Variants in SRPRA observed in about 807,000 individuals in gnomAD.
SRPRA encodes the protein signal recognition particle receptor subunit alpha.
In SRPRA, 30 loss-of-function variants were observed where a neutral mutation model predicts 61.1. The observed-to-expected ratio is 0.49, with a 90% CI of 0.37 to 0.67. The LOEUF (loss-of-function observed/expected upper bound fraction) is 0.67. Among genes scored for constraint, SRPRA ranks in the 30% least tolerant of loss-of-function variants. The pLI is 0.00. For missense variants in SRPRA, 759 were observed against 828.4 expected, an observed-to-expected ratio of 0.92 and a Z score of 1.03; for synonymous variants, 324 against 299.7, an observed-to-expected ratio of 1.08 and a Z score of -0.84.
rs1202881410 is a variant in SRPRA, at chr11:126,265,704, C to G, written c.1138+33G>C. ...CTGAGGTCTATGCACTTAACCTACA[C>G]ATAAGCACTTTCTCACTTAGGTAAG... On this transcript the variant is annotated intron_variant, in intron 9 of 13. Transcript: ENST00000332118. The surrounding 1 kb of genome is among the most constrained non-coding windows in gnomAD (Gnocchi z 6.3). The G allele has an allele frequency of 1.2e-6, 2 of 1,609,408 alleles. No individual in the cohort carries two copies. The highest frequency in any genetic ancestry group is 1.3e-5 in the African/African-American group (1 of 74,872).
rs1950757606 is a variant in SRPRA at position 126,264,128 on chromosome 11, T to G, written c.1788+63A>C. The G allele has an allele frequency of 6.2e-7, 1 of 1,612,140 alleles. No individual in the cohort carries two copies. On this transcript the variant is annotated intron_variant, in intron 13 of 13. Coordinates refer to ENST00000332118, the MANE Select transcript of SRPRA (RefSeq NM_003139.4). The surrounding 1 kb of genome is among the most constrained non-coding windows in gnomAD (Gnocchi z 5.0). ...GGAACAGGAAGCGCTGGAGCCAAGA[T>G]TTCCTTGCAGCCTCAGCTCCTTTGT...
chr11:126,246,564 TTAA>T, the SRPRA span, among the ~76,000 whole-genome samples: 6 of 152,164 alleles, frequency 3.9e-5, no homozygotes, highest in African/African-American at 7.2e-5. Flanking sequence ...ACTAGAAATG[TTAA>T]TAACCCTGGG....
At chr11:126,237,935 A>G in the SRPRA span, among the ~76,000 whole-genome samples, 11 of 150,714 alleles carry the variant, frequency 7.3e-5, no homozygotes, top group Non-Finnish European at 1.5e-4. Flanking sequence ...TCTCCTTCCC[A>G]TACTATCTCT....
downstream of SRPRA, chr11:126,262,129 CAT>C: frequency 6.2e-7 from 1 of 1,614,076 alleles, no homozygotes; most frequent in African/African-American, 1.3e-5. Flanking sequence ...GGCTGTAGTA[CAT>C]GAGCGAGCTA....
At chr11:126,247,857 C>CAA in the SRPRA span, among the ~76,000 whole-genome samples, 19 of 125,018 alleles carry the variant, frequency 1.5e-4, no homozygotes, top group East Asian at 1.1e-3. Flanking sequence ...GACTCCATCT[C>CAA]AAAAAAAAAA....
Position 126,262,989 on chromosome 11 carries a change from A to C in SRPRA, c.*927T>G, listed in dbSNP as rs912895667. The C allele has an allele frequency of 2.0e-5, 3 of 152,680 alleles. No individual in the cohort carries two copies. The highest frequency in any genetic ancestry group is 2.9e-5 in the Non-Finnish European group (2 of 68,044). 9.5% of individuals were successfully genotyped at this position (152,680 alleles called of 1,614,324 possible). ...ATAAATTACTTATTTCTCTGGGCAG[A>C]CAGCCTTCACCTTATTGCACTAATA... On this transcript the variant is annotated 3_prime_UTR_variant, in exon 14 of 14. Coordinates refer to ENST00000332118, the MANE Select transcript of SRPRA (RefSeq NM_003139.4).
chr11:126,265,660 G>A lies in SRPRA; in HGVS notation c.1138+77C>T, dbSNP rs1323579415. ...TTAGAGGTTAAGGAATTTGCCGAAAGTCACATACCTAGTAAGAACTGAGGT... is the reference window on the plus strand; with the variant it reads ...TTAGAGGTTAAGGAATTTGCCGAAAATCACATACCTAGTAAGAACTGAGGT... On this transcript the variant is annotated intron_variant, in intron 9 of 13. Transcript: ENST00000332118. The surrounding 1 kb of genome is among the most constrained non-coding windows in gnomAD (Gnocchi z 6.3). 2.0e-6 allele frequency: 3 copies of A among 1,524,648 alleles called. No homozygotes were observed. The highest frequency in any genetic ancestry group is 1.4e-5 in the African/African-American group (1 of 73,156). The allele number at this position is 1,524,648 out of a possible 1,614,324, so 94.4% of individuals were successfully genotyped here.
chr11:126,242,377 G>T, the SRPRA span, among the ~76,000 whole-genome samples: 1 of 152,082 alleles, frequency 6.6e-6, no homozygotes, highest in Non-Finnish European at 1.5e-5. Context: ...ACTGCTTGAG[G>T]GCATGAGTTC....
Position 126,268,798 on chromosome 11 carries a change from C to G in SRPRA, c.7G>C (p.Asp3His). The G allele has an allele frequency of 6.2e-7, 1 of 1,613,290 alleles. No homozygotes were observed. Among genetic ancestry groups the G allele is most frequent in the Non-Finnish European group, 8.5e-7 (1 of 1,179,856 alleles). Residue 3 changes from aspartate (D) to histidine (H), a missense_variant, in exon 1 of 14, where the codon GAC (aspartate) becomes CAC (histidine). Transcript: ENST00000332118. Reference protein sequence around the residue: MLDFFTIFSKGGL... With the variant: MLHFFTIFSKGGL... ...CCCTTGGAGAAAATGGTGAAGAAGT[C>G]GAGCATGGCGGCAGCGGCAGAGGAG...
chr11:126,263,693 G>A lies in SRPRA; in HGVS notation c.*223C>T, dbSNP rs55944421. On this transcript the variant is annotated 3_prime_UTR_variant, in exon 14 of 14. Coordinates refer to ENST00000332118, the MANE Select transcript of SRPRA (RefSeq NM_003139.4). ...TGCCTGAGTAGGAAGGGGGAGGCCC[G>A]CTGGGAGAGGGTCAGTGGGCAGTGA... 3.5e-3 allele frequency: 2,037 copies of A among 575,386 alleles called. 27 individuals are homozygous for A. Among genetic ancestry groups the A allele is most frequent in the African/African-American group, 0.026 (1,414 of 53,600 alleles). The allele number at this position is 575,386 out of a possible 1,614,324, so 35.6% of individuals were successfully genotyped here.
rs758568093 is a variant in SRPRA, at chr11:126,265,729, G to A, written c.1138+8C>T. Reference sequence around the variant, plus strand: ...CATAAGCACTTTCTCACTTAGGTAAGTACTTACTGCTGAACGTCCCCATCA... The same window carrying A: ...CATAAGCACTTTCTCACTTAGGTAAATACTTACTGCTGAACGTCCCCATCA... On this transcript the variant is annotated splice_region_variant and intron_variant, in intron 9 of 13. Transcript: ENST00000332118. The surrounding 1 kb of genome is among the most constrained non-coding windows in gnomAD (Gnocchi z 6.3). 4.3e-6 allele frequency: 7 copies of A among 1,614,084 alleles called. No individual in the cohort carries two copies. In the Admixed American group the frequency reaches 5.0e-5, roughly 12 times the overall value.
chr11:126,267,999 T>C lies in SRPRA; in HGVS notation c.201+4A>G. The C allele has an allele frequency of 6.2e-7, 1 of 1,614,078 alleles. No homozygotes were observed. The highest frequency in any genetic ancestry group is 8.5e-7 in the Non-Finnish European group (1 of 1,179,952). The stretch of plus-strand genomic sequence containing the variant: ...CAATCGTCCCTCTACAACACCCCAC[T>C]TACCACAAACACCAGCTCAAACTGG... On this transcript the variant is annotated splice_donor_region_variant and intron_variant, in intron 2 of 13. Transcript: ENST00000332118. This position sits in a 1 kb window ranked among gnomAD's most constrained non-coding sequence, Gnocchi z 4.2.
chr11:126,268,273 A>G (rs536982074), intron 1 of SRPRA, among the ~76,000 whole-genome samples, 187 bp from the exon 2 acceptor site: 2 of 152,302 alleles, frequency 1.3e-5, no homozygotes, highest in East Asian at 1.9e-4. Context: ...AAGTTGGGGG[A>G]AAAAGATGAG....
chr11:126,261,101 G>A (rs534510985), downstream of SRPRA: 82 of 221,768 alleles, frequency 3.7e-4, no homozygotes, highest in South Asian at 3.6e-3. Flanking sequence ...AATTTTTACC[G>A]AAACTTGGCC....
the SRPRA span, among the ~76,000 whole-genome samples, chr11:126,238,090 G>C: frequency 6.6e-6 from 1 of 152,134 alleles, no homozygotes; most frequent in Middle Eastern, 3.4e-3. Flanking sequence ...GGCCGGGTGC[G>C]GTGGCTCACG....
At chr11:126,253,199 C>T in the SRPRA span, among the ~76,000 whole-genome samples, 76 of 152,330 alleles carry the variant, frequency 5.0e-4, no homozygotes, top group East Asian at 0.013. This position sits in a 1 kb window ranked among gnomAD's most constrained non-coding sequence, Gnocchi z 5.1. Context: ...CTTCTCATTT[C>T]ATCCTTGGGC....
Position 126,264,945 on chromosome 11 carries a change from C to T in SRPRA, c.1525+14G>A, listed in dbSNP as rs757306258. The T allele has an allele frequency of 5.6e-6, 9 of 1,612,026 alleles. No homozygotes were observed. The Admixed American group carries it at 1.5e-4, about 27-fold the overall frequency. ...GGACCCCAAATAAGCCCCCACACTTCCCATGCACTGTACCAAAAGCAATGG... is the reference window on the plus strand; with the variant it reads ...GGACCCCAAATAAGCCCCCACACTTTCCATGCACTGTACCAAAAGCAATGG... On this transcript the variant is annotated intron_variant, in intron 11 of 13. Coordinates refer to ENST00000332118, the MANE Select transcript of SRPRA (RefSeq NM_003139.4). This position sits in a 1 kb window ranked among gnomAD's most constrained non-coding sequence, Gnocchi z 5.0.
chr11:126,247,655 C>T, the SRPRA span, among the ~76,000 whole-genome samples: 1 of 151,906 alleles, frequency 6.6e-6, no homozygotes, highest in Non-Finnish European at 1.5e-5. Flanking sequence ...GTCAGAAGTT[C>T]AAGACCAGCC....
the SRPRA span, chr11:126,241,098 C>CA: frequency 1.3e-6 from 2 of 1,494,542 alleles, no homozygotes; most frequent in East Asian, 4.6e-5. Context: ...ATTTAACTAT[C>CA]ACAACTAGCA....
Sources: gnomAD v4.1 joint callset for allele counts (sites outside exome capture counted in the v4.1 genomes callset) on GRCh38, gnomAD v4.1.1 for gene constraint, Gnocchi (gnomAD v3.1) non-coding constraint, MANE v1.5 for transcripts, NCBI Gene and HGNC (gene_info 2026-07-23, HGNC 2026-07-21) for gene names.